The following ROBO2 variants were observed in gnomAD, a reference collection of about 807,000 sequenced individuals.
ROBO2 encodes the protein roundabout homolog 2.
A neutral mutation model predicts 160.8 loss-of-function variants in ROBO2; 53 were observed. The ratio of observed to expected loss-of-function variants is 0.33; its 90% CI spans 0.26 to 0.41. The LOEUF (loss-of-function observed/expected upper bound fraction) is 0.41. Among genes scored for constraint, ROBO2 ranks in the 10% least tolerant of loss-of-function variants. ROBO2 has a pLI of 1.00. For synonymous variants in ROBO2, 664 were observed against 611.7 expected (o/e 1.09, Z -1.26); for missense variants, 1,577 against 1,722.4 (o/e 0.92, Z 1.49).
At chr3:76,265,968 C>A (rs1707076714) in intron 2 of ROBO2, among the ~76,000 whole-genome samples, 1 of 152,012 alleles carries the variant, frequency 6.6e-6, no homozygotes, top group African/African-American at 2.4e-5. Flanking sequence ...GGAAACTCTT[C>A]AAGAATATAA....
chr3:76,746,568 A>G (rs1377327399), intron 2 of ROBO2, among the ~76,000 whole-genome samples: 3 of 152,098 alleles, frequency 2.0e-5, no homozygotes, highest in Non-Finnish European at 4.4e-5. Context: ...TTTGATTTGC[A>G]TTTCTCTGAT....
exon 7 of ROBO2, chr3:77,546,358 C>A: frequency 3.1e-6 from 5 of 1,613,018 alleles, no homozygotes; most frequent in African/African-American, 2.7e-5. Flanking sequence ...GTTTGTGGTT[C>A]GGCCAAGAGA....
At chr3:76,239,549 G>T (rs141662531) in intron 2 of ROBO2, among the ~76,000 whole-genome samples, 1 of 152,002 alleles carries the variant, frequency 6.6e-6, no homozygotes, top group African/African-American at 2.4e-5. Flanking sequence ...AAGTCCAGTC[G>T]GAATTCTCTT....
chr3:77,616,354 T>G (rs1030510280), intron 21 of ROBO2, among the ~76,000 whole-genome samples: 1 of 139,496 alleles, frequency 7.2e-6, no homozygotes, highest in African/African-American at 2.7e-5. Context: ...TTTTTAGACC[T>G]AGCTAATGAG....
chr3:77,448,068 C>T (rs2153559760), intron 2 of ROBO2, among the ~76,000 whole-genome samples: 1 of 152,228 alleles, frequency 6.6e-6, no homozygotes, highest in East Asian at 1.9e-4. Flanking sequence ...TGTGACATTG[C>T]TCATTTTCCT....
At chr3:76,847,799 A>G (rs1489791032) in intron 2 of ROBO2, among the ~76,000 whole-genome samples, 1 of 152,190 alleles carries the variant, frequency 6.6e-6, no homozygotes, top group Non-Finnish European at 1.5e-5. Flanking sequence ...AATACATGGT[A>G]TCATTATGGT....
chr3:77,066,457 A>G (rs1441000695), intron 1 of ROBO2, among the ~76,000 whole-genome samples: 1 of 152,166 alleles, frequency 6.6e-6, no homozygotes. Flanking sequence ...TGTATTAATT[A>G]TAGTCTAATC....
chr3:75,958,608 A>G (rs1192658156), intron 2 of ROBO2, among the ~76,000 whole-genome samples: 1 of 151,744 alleles, frequency 6.6e-6, no homozygotes, highest in African/African-American at 2.4e-5. Context: ...CTTTGGAGTC[A>G]AGAATGAAGT....
intron 2 of ROBO2, chr3:76,435,072 A>G: frequency 1.9e-6 from 2 of 1,078,960 alleles, no homozygotes; most frequent in Non-Finnish European, 2.9e-6. Flanking sequence ...CAAGTGTGTC[A>G]ACATGACATT....
chr3:76,610,223 T>C (rs12495181), intron 2 of ROBO2, among the ~76,000 whole-genome samples: 56,577 of 152,072 alleles, frequency 0.37, 11,213 homozygotes, highest in East Asian at 0.57. Context: ...GTACTGGTAA[T>C]GTTACAGGAT....
chr3:77,417,725 A>C (rs1219518215), intron 2 of ROBO2, among the ~76,000 whole-genome samples: 1 of 152,138 alleles, frequency 6.6e-6, no homozygotes, highest in East Asian at 1.9e-4. Flanking sequence ...ATGTTTTCTC[A>C]TTACACTGTC....
chr3:77,524,112 C>T (rs1231528091), intron 6 of ROBO2, among the ~76,000 whole-genome samples: 1 of 151,206 alleles, frequency 6.6e-6, no homozygotes, highest in Non-Finnish European at 1.5e-5. Flanking sequence ...AATATTGGTG[C>T]TTTTCATACT....
At chr3:76,133,548 C>A (rs1338663475) in intron 2 of ROBO2, among the ~76,000 whole-genome samples, 2 of 152,016 alleles carry the variant, frequency 1.3e-5, no homozygotes, top group African/African-American at 4.8e-5. Context: ...AGCTGAGGAG[C>A]CAGGAAGCCA....
At chr3:76,264,016 C>A (rs1385270527) in intron 2 of ROBO2, among the ~76,000 whole-genome samples, 1 of 152,044 alleles carries the variant, frequency 6.6e-6, no homozygotes. Context: ...GGCAGCTGAA[C>A]AATGAGAACA....
chr3:76,055,355 A>G (rs552310581), intron 2 of ROBO2, among the ~76,000 whole-genome samples: 1 of 152,158 alleles, frequency 6.6e-6, no homozygotes, highest in Non-Finnish European at 1.5e-5. Context: ...TATTTATCTT[A>G]TTTTCTAATT....
intron 2 of ROBO2, among the ~76,000 whole-genome samples, chr3:76,851,550 A>G (rs995433303): frequency 6.6e-6 from 1 of 151,160 alleles, no homozygotes; most frequent in African/African-American, 2.4e-5. Flanking sequence ...CCTGGCTAAC[A>G]AGGTGAAACC....
chr3:77,596,319 G>A (rs965823597), intron 18 of ROBO2, among the ~76,000 whole-genome samples: 5 of 152,118 alleles, frequency 3.3e-5, no homozygotes, highest in African/African-American at 7.2e-5. Flanking sequence ...CCCTTGTGGT[G>A]CCAATGTATC....
At chr3:76,291,355 G>T (rs1708793246) in intron 2 of ROBO2, among the ~76,000 whole-genome samples, 1 of 152,008 alleles carries the variant, frequency 6.6e-6, no homozygotes, top group Admixed American at 6.6e-5. Flanking sequence ...AAGAGTCTCT[G>T]GGGGACTTTA....
intron 2 of ROBO2, among the ~76,000 whole-genome samples, chr3:76,038,882 C>T (rs1485100700): frequency 6.6e-6 from 1 of 151,646 alleles, no homozygotes; most frequent in Admixed American, 6.6e-5. Flanking sequence ...GCAATAGGAA[C>T]AAAGTAGTGA....
Sources: gnomAD v4.1 joint callset for allele counts (sites outside exome capture counted in the v4.1 genomes callset) on GRCh38, gnomAD v4.1.1 for gene constraint, MANE v1.5 for transcripts, NCBI Gene and HGNC (gene_info 2026-07-23, HGNC 2026-07-21) for gene names.